Variants in OOSP3 observed in about 807,000 individuals in gnomAD.
OOSP3 encodes oocyte secreted protein family member 3.
intron 2 of OOSP3, among the ~76,000 whole-genome samples, chr11:59,892,682 C>A (rs185535781): frequency 6.6e-6 from 1 of 151,670 alleles, no homozygotes; most frequent in East Asian, 1.9e-4. Flanking sequence ...AGTCAAATAA[C>A]CAGCATTTCA....
Position 59,884,475 on chromosome 11 carries a change from G to GTCTC in OOSP3, c.252+4078_252+4081dup, listed in dbSNP as rs60145654. On this transcript the variant is annotated intron_variant, in intron 2 of 4. Transcript: ENST00000646438. Reference sequence around the variant, plus strand: ...TGTCTGTCTGTCTGTCTGTCTGTCTGTCTCTCTCTCTCTCTCTCTCTCTCT... The same window carrying GTCTC: ...TGTCTGTCTGTCTGTCTGTCTGTCTGTCTCTCTCTCTCTCTCTCTCTCTCTCTCT... Among the ~76,000 whole-genome samples the GTCTC allele has an allele frequency of 1.9e-3, 214 of 113,870 alleles. 2 individuals carry two copies. Among genetic ancestry groups the GTCTC allele is most frequent in the South Asian group, 4.3e-3 (13 of 3,038 alleles). 74.7% of individuals were successfully genotyped at this position (113,870 alleles called of 152,430 possible).
At chr11:59,891,985 C>T (rs944466974) in intron 2 of OOSP3, among the ~76,000 whole-genome samples, 1 of 152,234 alleles carries the variant, frequency 6.6e-6, no homozygotes, top group African/African-American at 2.4e-5. Context: ...ACTTGGCTCC[C>T]TGGCTTCAGT....
intron 2 of OOSP3, among the ~76,000 whole-genome samples, chr11:59,884,463 GTCTGTCTGTCTGTC>G (rs1400110968): frequency 5.1e-5 from 6 of 117,188 alleles, no homozygotes; most frequent in African/African-American, 2.0e-4. Context: ...CTGTCTGTCT[GTCTGTCTGTCTGTC>G]TCTCTCTCTC....
chr11:59,889,856 G>A (rs1004556769), intron 2 of OOSP3, among the ~76,000 whole-genome samples: 1 of 151,922 alleles, frequency 6.6e-6, no homozygotes, highest in African/African-American at 2.4e-5. Context: ...TTAATTTTAT[G>A]TCTCAATCTA....
intron 2 of OOSP3, among the ~76,000 whole-genome samples, chr11:59,893,544 A>G (rs1327932773): frequency 6.6e-6 from 1 of 152,122 alleles, no homozygotes; most frequent in African/African-American, 2.4e-5. Flanking sequence ...TTTAGTAGAG[A>G]TGAGATCTTG....
chr11:59,885,532 C>T (rs1056102831), intron 2 of OOSP3, among the ~76,000 whole-genome samples: 7 of 152,164 alleles, frequency 4.6e-5, no homozygotes, highest in African/African-American at 1.7e-4. Context: ...CATGTGTTCT[C>T]ATCATTCAGC....
At chr11:59,895,003 G>A (rs938694693) in intron 3 of OOSP3, among the ~76,000 whole-genome samples, 1 of 152,038 alleles carries the variant, frequency 6.6e-6, no homozygotes, top group Non-Finnish European at 1.5e-5. Context: ...AAATCAAAGG[G>A]CTTGAATGGG....
At chr11:59,893,352 G>C (rs911351062) in intron 2 of OOSP3, among the ~76,000 whole-genome samples, 1 of 152,098 alleles carries the variant, frequency 6.6e-6, no homozygotes, top group East Asian at 1.9e-4. Context: ...GACCATAACT[G>C]TAGTGGCTTT....
intron 3 of OOSP3, among the ~76,000 whole-genome samples, chr11:59,894,634 C>T (rs1271807755): frequency 6.6e-6 from 1 of 152,194 alleles, no homozygotes; most frequent in Non-Finnish European, 1.5e-5. Context: ...CCTTCTATGT[C>T]CTGCTTTTCT....
chr11:59,895,831 A>G (rs545494231), intron 4 of OOSP3, among the ~76,000 whole-genome samples, 179 bp downstream of exon 4: 124 of 152,344 alleles, frequency 8.1e-4, no homozygotes, highest in Non-Finnish European at 1.6e-3. Context: ...TGCTACTTCC[A>G]TGTGTCTACA....
intron 1 of OOSP3, among the ~76,000 whole-genome samples, chr11:59,879,221 A>G (rs574802383): frequency 6.6e-6 from 1 of 152,202 alleles, no homozygotes; most frequent in East Asian, 1.9e-4. Context: ...CCCACTCATA[A>G]TCCTGCCACC....
chr11:59,880,041 G>A (rs749295118), intron 1 of OOSP3, among the ~76,000 whole-genome samples: 2 of 152,128 alleles, frequency 1.3e-5, no homozygotes, highest in African/African-American at 4.8e-5. Flanking sequence ...AACAGTACTC[G>A]CAGGGAAGGA....
intron 2 of OOSP3, among the ~76,000 whole-genome samples, chr11:59,884,503 C>G (rs1197041752): frequency 8.1e-5 from 12 of 147,342 alleles, no homozygotes; most frequent in Non-Finnish European, 1.8e-4. Flanking sequence ...CTCTCTCTCT[C>G]TCTCTCTCTC....
intron 2 of OOSP3, among the ~76,000 whole-genome samples, chr11:59,886,787 C>T (rs932288452): frequency 6.7e-6 from 1 of 149,106 alleles, no homozygotes; most frequent in African/African-American, 2.5e-5. Flanking sequence ...ATGTCATTTG[C>T]CCACTTTTTT....
intron 2 of OOSP3, among the ~76,000 whole-genome samples, chr11:59,885,508 G>T (rs1340816050): frequency 1.3e-5 from 2 of 151,930 alleles, no homozygotes; most frequent in Non-Finnish European, 2.9e-5. Context: ...GTGTGTTGTT[G>T]TCCCCCATGT....
chr11:59,883,165 G>A (rs758664702), intron 2 of OOSP3, among the ~76,000 whole-genome samples: 50 of 152,110 alleles, frequency 3.3e-4, no homozygotes, highest in Non-Finnish European at 5.0e-4. Context: ...TTGGCTGAAT[G>A]TCTTCAATGA....
chr11:59,884,947 T>C (rs1853239235), intron 2 of OOSP3, among the ~76,000 whole-genome samples: 1 of 152,250 alleles, frequency 6.6e-6, no homozygotes, highest in African/African-American at 2.4e-5. Context: ...CTTTGTATTA[T>C]TTCTGATTAT....
intron 2 of OOSP3, among the ~76,000 whole-genome samples, chr11:59,888,958 A>G (rs948361021): frequency 1.3e-5 from 2 of 152,106 alleles, no homozygotes; most frequent in Non-Finnish European, 2.9e-5. Context: ...TTGGTAGGCT[A>G]TTTGTTACTG....
intron 3 of OOSP3, among the ~76,000 whole-genome samples, chr11:59,894,442 T>A (rs1433728163): frequency 6.6e-6 from 1 of 152,184 alleles, no homozygotes; most frequent in Non-Finnish European, 1.5e-5. Context: ...CCAACTGGGC[T>A]TGGAAATTTA....
Sources: gnomAD v4.1 joint callset for allele counts (sites outside exome capture counted in the v4.1 genomes callset) on GRCh38, gnomAD v4.1.1 for gene constraint, MANE v1.5 for transcripts, NCBI Gene and HGNC (gene_info 2026-07-23, HGNC 2026-07-21) for gene names.